RANBP17: variants seen among roughly 807,000 people sequenced by gnomAD.
RANBP17 encodes the protein RAN binding protein 17, also known as ran-binding protein 17.
A neutral mutation model predicts 141.2 loss-of-function variants in RANBP17; 158 were observed. The observed-to-expected ratio is 1.12, with a 90% CI of 0.98 to 1.28. The LOEUF is 1.28. RANBP17 is among the 50% of genes most tolerant of loss of function. RANBP17 has a pLI of 0.00. For missense variants in RANBP17, 1,438 were observed against 1,290.7 expected, an observed-to-expected ratio of 1.11 and a Z score of -1.75; for synonymous variants, 430 against 450.0, an observed-to-expected ratio of 0.96 and a Z score of 0.56.
chr5:170,987,616 A>G (rs1402186814), intron 14 of RANBP17, among the ~76,000 whole-genome samples: 1 of 151,716 alleles, frequency 6.6e-6, no homozygotes, highest in Non-Finnish European at 1.5e-5. Context: ...CTGTTTTTAA[A>G]AACACACATT....
chr5:171,225,185 G>A (rs1035944149), intron 22 of RANBP17, among the ~76,000 whole-genome samples: 2 of 152,140 alleles, frequency 1.3e-5, no homozygotes, highest in African/African-American at 4.8e-5. Context: ...ACTGCCTCTT[G>A]GGAGTTGCCA....
At chr5:170,862,083 C>A in intron 1 of RANBP17, 32 bp downstream of exon 1, 1 of 1,443,302 alleles carries the variant, frequency 6.9e-7, no homozygotes, top group Non-Finnish European at 9.1e-7. Flanking sequence ...GGCCCGCGCT[C>A]CGCCACGCTG....
intron 14 of RANBP17, among the ~76,000 whole-genome samples, chr5:171,051,108 CTT>C (rs1339229275): frequency 2.0e-5 from 3 of 151,998 alleles, no homozygotes; most frequent in Non-Finnish European, 2.9e-5. Flanking sequence ...TTCAGGATTT[CTT>C]TTTTCTTGGC....
chr5:171,292,997 A>G (rs779837220), intron 25 of RANBP17, among the ~76,000 whole-genome samples: 2 of 152,024 alleles, frequency 1.3e-5, no homozygotes, highest in Non-Finnish European at 2.9e-5. Context: ...CTGTCATGCT[A>G]AGTTTCTTAC....
At chr5:170,911,388 G>C in intron 7 of RANBP17, 1 of 575,882 alleles carries the variant, frequency 1.7e-6, no homozygotes. Flanking sequence ...GCAGATTTGG[G>C]AGGAAAGTCA....
intron 12 of RANBP17, among the ~76,000 whole-genome samples, chr5:170,932,540 G>C (rs1055704239): frequency 2.1e-5 from 3 of 139,676 alleles, no homozygotes; most frequent in Non-Finnish European, 4.7e-5. Context: ...TACTGGCTGT[G>C]GGTTTGTCAT....
chr5:171,226,682 G>A (rs1421400624), intron 22 of RANBP17, among the ~76,000 whole-genome samples: 1 of 152,156 alleles, frequency 6.6e-6, no homozygotes, highest in Non-Finnish European at 1.5e-5. Flanking sequence ...GGGGGAAAGA[G>A]GACCACTTTG....
intron 3 of RANBP17, among the ~76,000 whole-genome samples, chr5:170,891,533 A>G (rs1345895411): frequency 1.3e-5 from 2 of 152,202 alleles, no homozygotes; most frequent in Non-Finnish European, 2.9e-5. Flanking sequence ...GGTGATTTAT[A>G]AAGAAAAGAG....
At chr5:171,106,906 G>T (rs1371481494) in intron 14 of RANBP17, among the ~76,000 whole-genome samples, 1 of 152,000 alleles carries the variant, frequency 6.6e-6, no homozygotes, top group African/African-American at 2.4e-5. Context: ...ATAACTAAAA[G>T]TTTAAAAAGT....
At chr5:171,222,061 T>C (rs1763598871) in intron 22 of RANBP17, among the ~76,000 whole-genome samples, 1 of 152,188 alleles carries the variant, frequency 6.6e-6, no homozygotes, top group South Asian at 2.1e-4. Context: ...TGAATTTCTT[T>C]TGGATAAAAT....
intron 5 of RANBP17, among the ~76,000 whole-genome samples, chr5:170,901,565 G>T (rs1770638620): frequency 6.6e-6 from 1 of 152,194 alleles, no homozygotes; most frequent in Non-Finnish European, 1.5e-5. Context: ...CTGTCATTAT[G>T]ATTGTAGCTG....
chr5:171,108,915 A>G (rs1363998133), intron 14 of RANBP17, among the ~76,000 whole-genome samples: 1 of 152,198 alleles, frequency 6.6e-6, no homozygotes, highest in African/African-American at 2.4e-5. Context: ...ACTTTATTAA[A>G]AAACAAAAAC....
chr5:171,169,233 T>C (rs1378958391), intron 14 of RANBP17, among the ~76,000 whole-genome samples: 1 of 151,990 alleles, frequency 6.6e-6, no homozygotes, highest in Non-Finnish European at 1.5e-5. Context: ...ACATAAGAAA[T>C]AGGCAGATTA....
intron 5 of RANBP17, among the ~76,000 whole-genome samples, chr5:170,908,241 C>T (rs1771228490): frequency 1.3e-5 from 2 of 152,028 alleles, no homozygotes; most frequent in South Asian, 2.1e-4. Flanking sequence ...CAGTGCTATT[C>T]AGAAAAGCAA....
At chr5:170,870,864 A>G (rs1767663649) in intron 1 of RANBP17, among the ~76,000 whole-genome samples, 1 of 152,132 alleles carries the variant, frequency 6.6e-6, no homozygotes, top group Non-Finnish European at 1.5e-5. Flanking sequence ...CTATTTCTCC[A>G]CAGCTTGGCC....
At chr5:170,876,229 C>T (rs922359759) in intron 1 of RANBP17, among the ~76,000 whole-genome samples, 8 of 152,250 alleles carry the variant, frequency 5.3e-5, no homozygotes, top group African/African-American at 1.9e-4. Context: ...CCACCTTGCT[C>T]TTCCCTCCTC....
intron 14 of RANBP17, among the ~76,000 whole-genome samples, chr5:171,059,075 A>G (rs1783617328): frequency 6.6e-6 from 1 of 150,938 alleles, no homozygotes; most frequent in South Asian, 2.1e-4. Flanking sequence ...CCTTTGTCAG[A>G]TGAGTAGGTT....
At chr5:171,058,453 T>A (rs1783563728) in intron 14 of RANBP17, among the ~76,000 whole-genome samples, 1 of 151,646 alleles carries the variant, frequency 6.6e-6, no homozygotes. Flanking sequence ...AGAATGATGA[T>A]TTCCAATTTC....
intron 14 of RANBP17, among the ~76,000 whole-genome samples, chr5:171,013,697 C>A (rs1038623769): frequency 1.3e-5 from 2 of 151,904 alleles, no homozygotes; most frequent in African/African-American, 4.8e-5. Flanking sequence ...AGTGTTTAAA[C>A]CTCCAAATTC....
Sources: allele counts gnomAD v4.1 joint callset (sites outside exome capture counted in the v4.1 genomes callset), GRCh38; gene constraint gnomAD v4.1.1; transcripts MANE v1.5; gene names NCBI Gene and HGNC (gene_info 2026-07-23, HGNC 2026-07-21).